JAKMIP3: variants seen among roughly 807,000 people sequenced by gnomAD.
JAKMIP3 encodes janus kinase and microtubule-interacting protein 3.
Under a neutral mutation model 118.5 loss-of-function variants are expected in JAKMIP3, and 58 were observed. That is an observed-to-expected ratio of 0.49 (90% CI 0.40 to 0.61). The LOEUF (loss-of-function observed/expected upper bound fraction) is 0.61, where lower values mean the gene tolerates loss of function less well. JAKMIP3 is among the 20% of genes least tolerant of loss of function. The probability of loss-of-function intolerance (pLI) is 0.00; values close to 1 mark genes in which losing one functional copy is unlikely to be tolerated. For missense variants in JAKMIP3, 950 were observed against 1,109.0 expected, an observed-to-expected ratio of 0.86 and a Z score of 2.04; for synonymous variants, 486 against 451.2, an observed-to-expected ratio of 1.08 and a Z score of -0.98.
chr10:132,180,570 T>TGCGTGTGTGTGC lies in JAKMIP3; in HGVS notation c.*1104-1786_*1104-1785insCGTGTGTGTGCG, dbSNP rs1325845020. The stretch of plus-strand genomic sequence containing the variant: ...GCGTGCGTGCATGCGTGTGTGTGCG[T>TGCGTGTGTGTGC]GTGTGTGTGCGTGCGCGTGTGTGTG... On this transcript the variant is annotated intron_variant, in intron 23 of 23. Transcript: ENST00000684848. Among the ~76,000 whole-genome samples, 7 of 19,954 alleles carry TGCGTGTGTGTGC rather than the reference T, an allele frequency of 3.5e-4. 2 individuals carry two copies. The highest frequency in any genetic ancestry group is 6.4e-4 in the Non-Finnish European group (6 of 9,430). 13.1% of individuals were successfully genotyped at this position (19,954 alleles called of 152,430 possible).
chr10:132,162,756 G>GTGTATTTTGGCCGCTGGGTTATTA, intron 19 of JAKMIP3, among the ~76,000 whole-genome samples: 1 of 150,196 alleles, frequency 6.7e-6, no homozygotes, highest in Non-Finnish European at 1.5e-5. Flanking sequence ...ATGAAAAGGT[G>GTGTATTTTGGCCGCTGGGTTATTA]TGTATTTTGG....
At chr10:132,115,047 G>A (rs1260623344) in intron 2 of JAKMIP3, among the ~76,000 whole-genome samples, 2 of 152,316 alleles carry the variant, frequency 1.3e-5, no homozygotes, top group East Asian at 1.9e-4. Context: ...GTGATCGGGC[G>A]AGGGTGAATT....
Position 132,136,088 on chromosome 10 carries a change from G to C in JAKMIP3, c.1116+12G>C. 6.2e-7 allele frequency: 1 copy of C among 1,612,538 alleles called. No individual in the cohort carries two copies. The highest frequency in any genetic ancestry group is 2.2e-5 in the East Asian group (1 of 44,864). ...AGAACATAGAAATGGTGAGGGGGTG[G>C]GGGGCTCCACGGGGCCACGGTCGCA... On this transcript the variant is annotated intron_variant, in intron 6 of 23. Coordinates refer to ENST00000684848, the MANE Select transcript of JAKMIP3 (RefSeq NM_001323087.2).
At chr10:132,121,437 C>A (rs890848286) in intron 3 of JAKMIP3, among the ~76,000 whole-genome samples, 1 of 152,204 alleles carries the variant, frequency 6.6e-6, no homozygotes, top group Non-Finnish European at 1.5e-5. Flanking sequence ...GGCCATAGCA[C>A]GGGCCGGCAC....
At chr10:132,127,419 CGTGT>C (rs988183473) in intron 3 of JAKMIP3, among the ~76,000 whole-genome samples, 3 of 79,824 alleles carry the variant, frequency 3.8e-5, no homozygotes, top group African/African-American at 1.6e-4. Flanking sequence ...TGTGTGTGTG[CGTGT>C]GTGTGTGTTT....
intron 3 of JAKMIP3, among the ~76,000 whole-genome samples, chr10:132,127,224 CT>C (rs11354978): frequency 0.26 from 33,062 of 128,710 alleles, 4,108 homozygotes; most frequent in East Asian, 0.45. Flanking sequence ...TTAGACTTTT[CT>C]TTTTTTTTTT....
At chr10:132,102,556 C>T (rs8181323) in intron 1 of JAKMIP3, among the ~76,000 whole-genome samples, 35,196 of 152,150 alleles carry the variant, frequency 0.23, 4,717 homozygotes, top group African/African-American at 0.38. Flanking sequence ...CAGGGTGAGA[C>T]GTGCCCAGCC....
rs545275606 is a variant in JAKMIP3, at chr10:132,036,739, G to C, written c.-138+1G>C. Among the ~76,000 whole-genome samples the C allele has an allele frequency of 6.6e-6, 1 of 151,032 alleles. No individual in the cohort carries two copies. Among genetic ancestry groups the C allele is most frequent in the East Asian group, 1.9e-4 (1 of 5,182 alleles). On this transcript the variant is annotated splice_donor_variant, in intron 1 of 23. Coordinates refer to the JAKMIP3 transcript ENST00000657785. LOFTEE classifies it low-confidence loss of function (5UTR_SPLICE). Reference sequence around the variant, plus strand: ...CCAGAGTCGCTCGCGGGGAGCCTCGGTGAGCAGCGGCCGGGGTGGGGCCGC... The same window carrying C: ...CCAGAGTCGCTCGCGGGGAGCCTCGCTGAGCAGCGGCCGGGGTGGGGCCGC...
rs530658031 is a variant in JAKMIP3 at position 132,106,231 on chromosome 10, G to A, written c.135+1288G>A. ...TATGCTCCTGTGGGCTCAGCTGCTC[G>A]GGAGGCTGAGGCAAGACAATTACTT... is the stretch of plus-strand genomic sequence containing the variant. On this transcript the variant is annotated intron_variant, in intron 2 of 23. Transcript: ENST00000684848. Among the ~76,000 whole-genome samples the A allele has an allele frequency of 4.1e-4, 62 of 152,144 alleles. 4 individuals carry two copies. In the South Asian group the frequency reaches 0.013, roughly 31 times the overall value.
rs1018832572 is a variant in JAKMIP3, at chr10:132,183,802, A to G, written c.*2549A>G. ...TTTCAGAACTGGGTTTTTGCCCCCAAAAAGGTAAATATGAGCATTTATCAC... is the reference window on the plus strand; with the variant it reads ...TTTCAGAACTGGGTTTTTGCCCCCAGAAAGGTAAATATGAGCATTTATCAC... On this transcript the variant is annotated 3_prime_UTR_variant, in exon 24 of 24. Transcript: ENST00000684848. 1 of 152,192 alleles carries G rather than the reference A, an allele frequency of 6.6e-6. No homozygotes were observed. Among genetic ancestry groups the G allele is most frequent in the Admixed American group, 6.5e-5 (1 of 15,280 alleles). 9.4% of individuals were successfully genotyped at this position (152,192 alleles called of 1,614,324 possible).
intron 16 of JAKMIP3, 85 bp from the exon 17 acceptor site, chr10:132,152,873 G>T: frequency 1.8e-6 from 2 of 1,121,452 alleles, no homozygotes; most frequent in Non-Finnish European, 2.6e-6. Flanking sequence ...AGCCTCCCCA[G>T]TCAGCTTCCC....
rs968109139 is a variant in JAKMIP3 at position 132,115,006 on chromosome 10, G to A, written c.136-2071G>A. Among the ~76,000 whole-genome samples the A allele has an allele frequency of 4.6e-5, 7 of 152,190 alleles. No homozygotes were observed. The East Asian group carries it at 1.2e-3, about 25-fold the overall frequency. On this transcript the variant is annotated intron_variant, in intron 2 of 23. Coordinates refer to ENST00000684848, the MANE Select transcript of JAKMIP3 (RefSeq NM_001323087.2). Reference sequence around the variant, plus strand: ...AATGTAATGAATACATATTTTTCCAGGATATGGGAAAAGCATGGTGAGTGG... The same window carrying A: ...AATGTAATGAATACATATTTTTCCAAGATATGGGAAAAGCATGGTGAGTGG...
At chr10:132,097,971 T>C (rs1206228287) in intron 1 of JAKMIP3, among the ~76,000 whole-genome samples, 3,086 of 25,912 alleles carry the variant, frequency 0.12, 632 homozygotes, top group East Asian at 0.31. Context: ...CTTTCCTTCC[T>C]TTTCTCCCCT....
At chr10:132,074,867 A>G (rs2040527479) in intron 1 of JAKMIP3, among the ~76,000 whole-genome samples, 2 of 152,180 alleles carry the variant, frequency 1.3e-5, no homozygotes, top group Non-Finnish European at 2.9e-5. Context: ...GATGAGAGGT[A>G]TGGGTCCAGT....
chr10:132,042,368 C>G (rs1413492879), intron 1 of JAKMIP3, among the ~76,000 whole-genome samples: 1 of 152,134 alleles, frequency 6.6e-6, no homozygotes, highest in Non-Finnish European at 1.5e-5. Flanking sequence ...TGCACCACCA[C>G]GCCTGGCTAA....
At position 132,139,248 on chromosome 10, in the gene JAKMIP3, GT is replaced by G. The variant is rs1564947777; in HGVS notation, c.1344+1071del. On this transcript the variant is annotated intron_variant, in intron 9 of 23. Coordinates refer to ENST00000684848, the MANE Select transcript of JAKMIP3 (RefSeq NM_001323087.2). ...TGTGAGTGTATATGCATCTGTGTGT[GT>G]ATGTGTGTGTGTGTATGTGTGTACA... Among the ~76,000 whole-genome samples, 245 of 122,252 alleles carry G rather than the reference GT, an allele frequency of 2.0e-3. 5 individuals are homozygous for G. Among genetic ancestry groups the G allele is most frequent in the Non-Finnish European group, 2.8e-3 (167 of 58,952 alleles). 80.2% of individuals were successfully genotyped at this position (122,252 alleles called of 152,430 possible).
At chr10:132,116,901 G>A (rs2047763215) in intron 2 of JAKMIP3, among the ~76,000 whole-genome samples, 176 bp from the exon 3 acceptor site, 1 of 151,588 alleles carries the variant, frequency 6.6e-6, no homozygotes. Flanking sequence ...TGTGCAACGT[G>A]GAAGCTCCCC....
chr10:132,104,650 C>T (rs966958611), intron 1 of JAKMIP3, 22 bp from the exon 2 acceptor site: 4 of 734,652 alleles, frequency 5.4e-6, no homozygotes, highest in South Asian at 3.6e-5. Flanking sequence ...AGCTGCTCAC[C>T]GCGGTGTGCT....
intron 1 of JAKMIP3, among the ~76,000 whole-genome samples, chr10:132,078,806 G>T (rs974390452): frequency 8.9e-6 from 1 of 112,442 alleles, no homozygotes; most frequent in Admixed American, 1.2e-4. Context: ...CCCTTGGCCC[G>T]GCCGCCAGAA....
Sources: allele counts gnomAD v4.1 joint callset (sites outside exome capture counted in the v4.1 genomes callset), GRCh38; gene constraint gnomAD v4.1.1; transcripts MANE v1.5; gene names NCBI Gene and HGNC (gene_info 2026-07-23, HGNC 2026-07-21).